Variants in MBNL2 observed in about 807,000 individuals in gnomAD.
MBNL2 encodes muscleblind-like protein 2.
A neutral mutation model predicts 41.9 loss-of-function variants in MBNL2; 17 were observed. The observed-to-expected ratio is 0.41, with a 90% CI of 0.28 to 0.61. MBNL2 has a LOEUF of 0.61. MBNL2 is among the 20% of genes least tolerant of loss of function. MBNL2 has a pLI of 0.35. For missense variants in MBNL2, 336 were observed against 505.6 expected (o/e 0.66, Z 3.22); for synonymous variants, 195 against 182.9 (o/e 1.07, Z -0.53).
the MBNL2 span, among the ~76,000 whole-genome samples, chr13:97,210,055 C>A: frequency 1.3e-5 from 2 of 152,138 alleles, no homozygotes; most frequent in African/African-American, 2.4e-5. Context: ...CTTGGCCTCC[C>A]GAAGTGCTGG....
chr13:97,344,352 T>C (rs1273429862), intron 4 of MBNL2, among the ~76,000 whole-genome samples: 2 of 152,242 alleles, frequency 1.3e-5, no homozygotes, highest in African/African-American at 4.8e-5. Flanking sequence ...CTCATAGATT[T>C]TTCAGAGAGC....
chr13:97,246,495 T>C (rs1054052059), intron 1 of MBNL2, among the ~76,000 whole-genome samples: 1 of 152,170 alleles, frequency 6.6e-6, no homozygotes, highest in African/African-American at 2.4e-5. Flanking sequence ...CAGCAGTGCG[T>C]GTAAGAAATC....
chr13:97,147,404 A>G, the MBNL2 span, among the ~76,000 whole-genome samples: 1 of 152,188 alleles, frequency 6.6e-6, no homozygotes, highest in African/African-American at 2.4e-5. Flanking sequence ...CAAGCACTGT[A>G]ACTTTGGCTG....
At chr13:97,199,197 T>A in the MBNL2 span, among the ~76,000 whole-genome samples, 1 of 152,200 alleles carries the variant, frequency 6.6e-6, no homozygotes, top group Non-Finnish European at 1.5e-5. Flanking sequence ...CCTCCAGAGA[T>A]CTGAGAACTG....
chr13:97,227,697 G>A (rs567959602), intron 1 of MBNL2, among the ~76,000 whole-genome samples: 2 of 152,234 alleles, frequency 1.3e-5, no homozygotes, highest in African/African-American at 4.8e-5. Flanking sequence ...AATTTTGAAG[G>A]ACAGGAAAAA....
At chr13:97,250,813 A>C (rs1566366589) in intron 1 of MBNL2, among the ~76,000 whole-genome samples, 1 of 152,206 alleles carries the variant, frequency 6.6e-6, no homozygotes, top group Non-Finnish European at 1.5e-5. Context: ...TCCTTGATGG[A>C]AATTTGATTT....
chr13:97,327,278 C>T (rs770671069), intron 2 of MBNL2, among the ~76,000 whole-genome samples: 2 of 152,058 alleles, frequency 1.3e-5, no homozygotes, highest in South Asian at 2.1e-4. Flanking sequence ...ATCACGTAGA[C>T]GTCTCATAAT....
At chr13:97,310,472 C>T (rs1270674827) in intron 2 of MBNL2, among the ~76,000 whole-genome samples, 3 of 151,092 alleles carry the variant, frequency 2.0e-5, no homozygotes, top group Non-Finnish European at 4.4e-5. Context: ...CTCTGTTGCC[C>T]AGGCTGGAGT....
At chr13:97,297,342 G>T (rs1214427688) in intron 2 of MBNL2, among the ~76,000 whole-genome samples, 4 of 152,188 alleles carry the variant, frequency 2.6e-5, no homozygotes, top group Non-Finnish European at 5.9e-5. Flanking sequence ...CGTACAGTAT[G>T]ATAAGTACCA....
intron 5 of MBNL2, among the ~76,000 whole-genome samples, chr13:97,350,377 T>C (rs2062331529): frequency 6.6e-6 from 1 of 152,176 alleles, no homozygotes; most frequent in South Asian, 2.1e-4. Context: ...GTGAAAGTTG[T>C]GATGGCTGTG....
chr13:97,349,629 G>A (rs539798572), intron 5 of MBNL2, among the ~76,000 whole-genome samples: 4 of 152,312 alleles, frequency 2.6e-5, no homozygotes, highest in African/African-American at 9.6e-5. Context: ...CCAGGTTCAA[G>A]TGATTCTTAT....
chr13:97,242,912 G>A (rs2044604595), intron 1 of MBNL2, among the ~76,000 whole-genome samples: 1 of 152,192 alleles, frequency 6.6e-6, no homozygotes, highest in Admixed American at 6.5e-5. Context: ...GGTGCTGGTG[G>A]AAGGAAAATG....
Position 97,343,324 on chromosome 13 carries a change from AAC to A in MBNL2, c.540+120_540+121del, listed in dbSNP as rs138028614. On this transcript the variant is annotated intron_variant, in intron 4 of 8. Coordinates refer to ENST00000679496, the MANE Select transcript of MBNL2 (RefSeq NM_001382683.1). The stretch of plus-strand genomic sequence containing the variant: ...TTCAGTCTTGCAAAACAGCCATGTA[AAC>A]ACACACACACAAACTCACCTAAAAC... The A allele has an allele frequency of 5.7e-4, 463 of 806,884 alleles. 1 individual carries two copies. The highest frequency in any genetic ancestry group is 2.5e-3 in the African/African-American group (144 of 58,082). 50.0% of individuals were successfully genotyped at this position (806,884 alleles called of 1,614,324 possible).
At position 97,230,653 on chromosome 13, in the gene MBNL2, A is replaced by G. The variant is rs1273549283; in HGVS notation, c.-605+8122A>G. Among the ~76,000 whole-genome samples the G allele has an allele frequency of 3.9e-5, 6 of 152,372 alleles. No individual in the cohort carries two copies. In the East Asian group the frequency reaches 1.2e-3, roughly 29 times the overall value. On this transcript the variant is annotated intron_variant, in intron 1 of 8. Coordinates refer to ENST00000679496, the MANE Select transcript of MBNL2 (RefSeq NM_001382683.1). ...AGCTAGCAAAGAATCAGAAAAATAAATACCCACAAAGGAGCAAAATTGTTT... is the reference window on the plus strand; with the variant it reads ...AGCTAGCAAAGAATCAGAAAAATAAGTACCCACAAAGGAGCAAAATTGTTT...
At chr13:97,350,214 A>T (rs1174420250) in intron 5 of MBNL2, among the ~76,000 whole-genome samples, 1 of 152,270 alleles carries the variant, frequency 6.6e-6, no homozygotes, top group Non-Finnish European at 1.5e-5. Flanking sequence ...GTGCAAGAAC[A>T]TTATGTCTGA....
chr13:97,156,389 CT>C, the MBNL2 span, among the ~76,000 whole-genome samples: 1 of 147,220 alleles, frequency 6.8e-6, no homozygotes, highest in Non-Finnish European at 1.5e-5. Flanking sequence ...TGCAGAAGCT[CT>C]TTAGTTTAAT....
At chr13:97,144,704 A>T in the MBNL2 span, among the ~76,000 whole-genome samples, 1 of 152,122 alleles carries the variant, frequency 6.6e-6, no homozygotes, top group African/African-American at 2.4e-5. Flanking sequence ...AAGTGCTGGG[A>T]TTACAGGCAT....
rs761803412 is a variant in MBNL2, at chr13:97,276,394, C to T, written c.159C>T (p.Cys53=). The stretch of plus-strand genomic sequence containing the variant: ...TTGAAAATGGAAGAGTAATTGCCTG[C>T]TTTGATTCCCTAAAGGTAAGAGAAT... The part of the protein sequence containing the change: ...CQVENGRVIA[C]FDSLKGRCSR... Residue 53 remains cysteine (C), a synonymous_variant, in exon 2 of 9, where the codon TGC becomes TGT. Coordinates refer to ENST00000679496, the MANE Select transcript of MBNL2 (RefSeq NM_001382683.1). The T allele has an allele frequency of 2.7e-5, 43 of 1,613,874 alleles. 1 individual carries two copies. The Middle Eastern group carries it at 1.5e-3, about 56-fold the overall frequency.
At chr13:97,290,442 C>T (rs1399695499) in intron 2 of MBNL2, among the ~76,000 whole-genome samples, 1 of 150,904 alleles carries the variant, frequency 6.6e-6, no homozygotes, top group Non-Finnish European at 1.5e-5. Context: ...TTTGGGAGGT[C>T]GAGGCGGGTG....
Sources: allele counts gnomAD v4.1 joint callset (sites outside exome capture counted in the v4.1 genomes callset), GRCh38; gene constraint gnomAD v4.1.1; transcripts MANE v1.5; gene names NCBI Gene and HGNC (gene_info 2026-07-23, HGNC 2026-07-21).